NCKAP1: variants seen among roughly 807,000 people sequenced by gnomAD.
NCKAP1 encodes nck-associated protein 1.
Under a neutral mutation model 151.2 loss-of-function variants are expected in NCKAP1, and 21 were observed. The ratio of observed to expected loss-of-function variants is 0.14; its 90% CI spans 0.10 to 0.20. NCKAP1 has a LOEUF of 0.20. Ranked by LOEUF, NCKAP1 falls within the 10% of genes least tolerant of loss-of-function variation. The pLI, the probability that NCKAP1 is intolerant of heterozygous loss-of-function variation, is 1.00. For missense variants in NCKAP1, 933 were observed against 1,352.1 expected, an observed-to-expected ratio of 0.69 and a Z score of 4.86; for synonymous variants, 484 against 451.8, an observed-to-expected ratio of 1.07 and a Z score of -0.90.
At chr2:182,949,004 T>C (rs1041745029) in intron 23 of NCKAP1, among the ~76,000 whole-genome samples, 14 of 152,264 alleles carry the variant, frequency 9.2e-5, no homozygotes, top group African/African-American at 2.6e-4. Context: ...AATATGAATA[T>C]ATTCCACACG....
At chr2:183,032,660 T>C (rs929335114) in intron 1 of NCKAP1, among the ~76,000 whole-genome samples, 9 of 152,240 alleles carry the variant, frequency 5.9e-5, no homozygotes, top group Non-Finnish European at 1.2e-4. Context: ...TGAAATATCA[T>C]TATGCAGAAT....
chr2:182,998,251 A>G (rs1698308543), intron 6 of NCKAP1, among the ~76,000 whole-genome samples: 1 of 152,148 alleles, frequency 6.6e-6, no homozygotes, highest in African/African-American at 2.4e-5. Context: ...GCTTTCCCGT[A>G]AGAACTGGAA....
rs541826274 is a variant in NCKAP1 at position 183,003,045 on chromosome 2, T to A, written c.313-15A>T. 594 of 1,597,174 alleles carry A rather than the reference T, an allele frequency of 3.7e-4. 7 individuals carry two copies. The South Asian group carries it at 5.3e-3, about 14-fold the overall frequency. ...CAAACATGGTCCTGAAAAGAAATAC[T>A]TATTTTAATCTTTTATCTGTATAAA... On this transcript the variant is annotated splice_polypyrimidine_tract_variant and intron_variant, in intron 3 of 30. Transcript: ENST00000361354.
At chr2:182,929,296 A>G (rs1479236561) in intron 27 of NCKAP1, among the ~76,000 whole-genome samples, 6 of 151,714 alleles carry the variant, frequency 4.0e-5, no homozygotes, top group Middle Eastern at 3.4e-3. Context: ...GAAAACTTAT[A>G]AATTATTCTG....
intron 15 of NCKAP1, among the ~76,000 whole-genome samples, chr2:182,967,763 T>A (rs1279251790): frequency 6.6e-6 from 1 of 152,182 alleles, no homozygotes; most frequent in Non-Finnish European, 1.5e-5. Flanking sequence ...TCAATGAGGT[T>A]TTAGAGTATA....
chr2:182,981,262 G>A lies in NCKAP1; in HGVS notation c.1323C>T (p.Val441=), dbSNP rs761705789. The change falls in exon 13 of 31, where the codon GTC becomes GTT. Residue 441 remains valine, a synonymous_variant. Coordinates refer to ENST00000361354, the MANE Select transcript of NCKAP1 (RefSeq NM_013436.5). ...TTTTTACCTGCACGAGTTCATTGAG[G>A]ACAACAGCATCAAAGCCAGAAAGGT... ...VQYLSGFDAV[V]LNELVQNLSV... is the part of the protein sequence containing the mutation. 8.7e-6 allele frequency: 14 copies of A among 1,613,524 alleles called. No homozygotes were observed. The African/African-American group carries it at 1.9e-4, about 22-fold the overall frequency.
intron 2 of NCKAP1, chr2:183,022,975 G>A (rs751607526): frequency 1.3e-5 from 2 of 152,142 alleles, no homozygotes; most frequent in African/African-American, 2.4e-5. Flanking sequence ...ACCAGCTGAC[G>A]ATATATCTTT....
chr2:182,947,920 G>A (rs994348830), intron 23 of NCKAP1, among the ~76,000 whole-genome samples: 1 of 151,924 alleles, frequency 6.6e-6, no homozygotes, highest in Non-Finnish European at 1.5e-5. Flanking sequence ...GTACACAGAG[G>A]CTGAGAAAAC....
intron 2 of NCKAP1, among the ~76,000 whole-genome samples, chr2:183,022,511 G>A (rs925898367): frequency 9.9e-5 from 15 of 152,084 alleles, no homozygotes; most frequent in Non-Finnish European, 1.3e-4. Flanking sequence ...TTCTGGCTGC[G>A]CACAGCAGCT....
intron 15 of NCKAP1, among the ~76,000 whole-genome samples, chr2:182,972,734 CCTGT>C (rs1439765136): frequency 3.9e-5 from 6 of 152,114 alleles, no homozygotes; most frequent in Admixed American, 2.0e-4. Flanking sequence ...AAAATGAAAT[CCTGT>C]CTGTTGCAAC....
At chr2:182,952,997 T>G (rs1373916485) in intron 21 of NCKAP1, 74 bp from the exon 22 acceptor site, 1 of 1,507,828 alleles carries the variant, frequency 6.6e-7, no homozygotes, top group Non-Finnish European at 8.9e-7. Context: ...CATTCCTGCA[T>G]ATAATTTTAA....
rs1237684013 is a variant in NCKAP1, at chr2:182,914,585, CA to C, written c.*11116del. On this transcript the variant is annotated 3_prime_UTR_variant, in exon 31 of 31. Coordinates refer to ENST00000361354, the MANE Select transcript of NCKAP1 (RefSeq NM_013436.5). ...TATAACCATCTTTGAGGACACTCTG[CA>C]TTTTAGAAGTGCCACAATAGCATAT... 1 of 152,198 alleles carries C rather than the reference CA, an allele frequency of 6.6e-6. No homozygotes were observed. Among genetic ancestry groups the C allele is most frequent in the Non-Finnish European group, 1.5e-5 (1 of 68,042 alleles). The allele number at this position is 152,198 out of a possible 1,614,324, so 9.4% of individuals were successfully genotyped here. A position where few individuals can be genotyped will look rare whatever the true frequency, so the allele number is the denominator to read the frequency against.
chr2:182,973,484 C>G (rs1697741665), intron 15 of NCKAP1, among the ~76,000 whole-genome samples: 1 of 151,948 alleles, frequency 6.6e-6, no homozygotes, highest in South Asian at 2.1e-4. Flanking sequence ...AAAGAGAATT[C>G]TTAAGAGTAG....
rs1268893742 is a variant in NCKAP1, at chr2:182,914,120, T to A, written c.*11582A>T. The A allele has an allele frequency of 6.6e-6, 1 of 152,200 alleles. No homozygotes were observed. Among genetic ancestry groups the A allele is most frequent in the African/African-American group, 2.4e-5 (1 of 41,444 alleles). 9.4% of individuals were successfully genotyped at this position (152,200 alleles called of 1,614,324 possible). ...ACAGAAGGAACTCCCTTTAGCAGTA[T>A]CTCCCCTTAAATGAAGTTATAGTTA... On this transcript the variant is annotated 3_prime_UTR_variant, in exon 31 of 31. Transcript: ENST00000361354.
chr2:183,023,777 T>A (rs1698838863), intron 2 of NCKAP1, 29 bp downstream of exon 2: 2 of 1,537,966 alleles, frequency 1.3e-6, no homozygotes, highest in African/African-American at 1.4e-5. Context: ...TGCTTAAAAT[T>A]AAGCAATAGA....
chr2:182,933,613 G>A (rs1430344659), intron 26 of NCKAP1, among the ~76,000 whole-genome samples: 1 of 151,806 alleles, frequency 6.6e-6, no homozygotes, highest in Non-Finnish European at 1.5e-5. Flanking sequence ...GGCTGGTCTC[G>A]AACTCCTGAC....
At position 182,956,046 on chromosome 2, in the gene NCKAP1, A is replaced by C. The variant is rs575527075; in HGVS notation, c.2153+416T>G. 3.3e-5 allele frequency among the ~76,000 whole-genome samples: 5 copies of C among 152,134 alleles called. No individual in the cohort carries two copies. In the East Asian group the frequency reaches 7.7e-4, roughly 24 times the overall value. On this transcript the variant is annotated intron_variant, in intron 20 of 30. Coordinates refer to ENST00000361354, the MANE Select transcript of NCKAP1 (RefSeq NM_013436.5). Reference sequence around the variant, plus strand: ...CAGTTCACTATTCTTTGCATTTCCCAGTTCATTATTCTTGAGACAGAGTCT... The same window carrying C: ...CAGTTCACTATTCTTTGCATTTCCCCGTTCATTATTCTTGAGACAGAGTCT...
intron 6 of NCKAP1, among the ~76,000 whole-genome samples, chr2:182,998,834 C>CAAAAAAAAAAAA (rs1160835228): frequency 4.5e-5 from 2 of 44,508 alleles, no homozygotes; most frequent in African/African-American, 1.7e-4. Context: ...AAGACTCCAA[C>CAAAAAAAAAAAA]AAAAAAAAAA....
chr2:183,011,254 GA>G (rs1698585291), intron 2 of NCKAP1, among the ~76,000 whole-genome samples: 1 of 152,166 alleles, frequency 6.6e-6, no homozygotes, highest in South Asian at 2.1e-4. Flanking sequence ...ATTTATTCTA[GA>G]ATACATTTCT....
Sources: allele counts gnomAD v4.1 joint callset (sites outside exome capture counted in the v4.1 genomes callset), GRCh38; gene constraint gnomAD v4.1.1; transcripts MANE v1.5; gene names NCBI Gene and HGNC (gene_info 2026-07-23, HGNC 2026-07-21).